Variants in MTPN observed in about 807,000 individuals in gnomAD.
MTPN encodes myotrophin, also known as granule cell differentiation protein.
Under a neutral mutation model 13.5 loss-of-function variants are expected in MTPN, and 2 were observed. The ratio of observed to expected loss-of-function variants is 0.15; its 90% CI spans 0.06 to 0.47. MTPN has a LOEUF of 0.47. MTPN is among the 20% of genes least tolerant of loss of function. MTPN has a pLI of 0.97. For synonymous variants in MTPN, 46 were observed against 51.7 expected, an observed-to-expected ratio of 0.89 and a Z score of 0.48; for missense variants, 79 against 137.9, an observed-to-expected ratio of 0.57 and a Z score of 2.14.
At chr7:135,968,351 C>T (rs1019216277) in intron 1 of MTPN, among the ~76,000 whole-genome samples, 1 of 152,018 alleles carries the variant, frequency 6.6e-6, no homozygotes, top group Non-Finnish European at 1.5e-5. Context: ...CTTTGCCCTT[C>T]ACTTTCTTGG....
At chr7:135,931,880 G>C (rs927466213) in intron 3 of MTPN, among the ~76,000 whole-genome samples, 2 of 152,092 alleles carry the variant, frequency 1.3e-5, no homozygotes, top group Non-Finnish European at 2.9e-5. Flanking sequence ...GATGGGGTAT[G>C]TGATGTTTTG....
intron 1 of MTPN, among the ~76,000 whole-genome samples, chr7:135,966,521 G>GT (rs1799608769): frequency 6.6e-6 from 1 of 151,868 alleles, no homozygotes; most frequent in East Asian, 1.9e-4. Context: ...TACCGAATGT[G>GT]TATCACTTTT....
chr7:135,944,116 G>T (rs933796208), intron 3 of MTPN, among the ~76,000 whole-genome samples: 3 of 152,048 alleles, frequency 2.0e-5, no homozygotes, highest in African/African-American at 7.2e-5. Context: ...CAGCATAAAT[G>T]ACTGAAAGCT....
At chr7:135,968,829 T>G (rs555634383) in intron 1 of MTPN, among the ~76,000 whole-genome samples, 6 of 150,974 alleles carry the variant, frequency 4.0e-5, no homozygotes, top group African/African-American at 1.2e-4. Context: ...GGAAAAAAAA[T>G]TTTAAGGAAT....
chr7:135,950,842 C>A (rs193145395), intron 2 of MTPN, among the ~76,000 whole-genome samples, 160 bp from the exon 3 acceptor site: 7 of 152,200 alleles, frequency 4.6e-5, no homozygotes, highest in African/African-American at 1.7e-4. Context: ...TTAAAGCTAC[C>A]AGAGACCCAA....
chr7:135,936,870 T>C (rs1280068560), intron 3 of MTPN, among the ~76,000 whole-genome samples: 1 of 152,230 alleles, frequency 6.6e-6, no homozygotes, highest in Non-Finnish European at 1.5e-5. Context: ...GCAAGTAATT[T>C]ATTGATCTTC....
At chr7:135,935,235 ATTTC>A (rs141239964) in intron 3 of MTPN, among the ~76,000 whole-genome samples, 4 of 149,816 alleles carry the variant, frequency 2.7e-5, no homozygotes, top group African/African-American at 7.4e-5. Flanking sequence ...GGATGCAATG[ATTTC>A]TTTCTTTTTT....
At chr7:135,935,908 C>T (rs563445653) in intron 3 of MTPN, among the ~76,000 whole-genome samples, 2 of 152,162 alleles carry the variant, frequency 1.3e-5, no homozygotes, top group Middle Eastern at 3.4e-3. Context: ...GTGTCAACTG[C>T]TTTATGAAAT....
intron 1 of MTPN, chr7:135,960,823 A>T (rs541765096): frequency 2.5e-4 from 36 of 143,328 alleles, no homozygotes; most frequent in African/African-American, 9.1e-4. Flanking sequence ...GTTTTTAATT[A>T]AAAAAAAAAG....
intron 1 of MTPN, among the ~76,000 whole-genome samples, chr7:135,959,787 G>A (rs895127427): frequency 6.6e-6 from 1 of 150,498 alleles, no homozygotes; most frequent in Non-Finnish European, 1.5e-5. Context: ...TTTCTAGTTT[G>A]TCAGTATTAT....
At chr7:135,962,309 AAATG>A (rs1467345836) in intron 1 of MTPN, among the ~76,000 whole-genome samples, 2 of 151,990 alleles carry the variant, frequency 1.3e-5, no homozygotes, top group Non-Finnish European at 2.9e-5. Flanking sequence ...TAAGAAAAAA[AAATG>A]AATGAATGAA....
intron 3 of MTPN, among the ~76,000 whole-genome samples, chr7:135,937,503 T>C (rs1300745610): frequency 6.6e-6 from 1 of 152,160 alleles, no homozygotes; most frequent in East Asian, 1.9e-4. Flanking sequence ...CCCTCTTGGA[T>C]ACCCAAATCC....
At chr7:135,949,194 C>T (rs1181961719) in intron 3 of MTPN, among the ~76,000 whole-genome samples, 1 of 152,102 alleles carries the variant, frequency 6.6e-6, no homozygotes, top group Admixed American at 6.5e-5. Context: ...AGACAGAGTC[C>T]TAACTAATAC....
intron 1 of MTPN, among the ~76,000 whole-genome samples, chr7:135,966,398 G>A (rs76037103): frequency 0.013 from 1,958 of 152,064 alleles, 22 homozygotes; most frequent in African/African-American, 0.025. Flanking sequence ...TGGGAGCTGC[G>A]ACTCCCTGCA....
At position 135,927,277 on chromosome 7, in the gene MTPN, G is replaced by C. The variant is rs1354078778; in HGVS notation, c.*2649C>G. On this transcript the variant is annotated 3_prime_UTR_variant, in exon 4 of 4. Coordinates refer to ENST00000393085, the MANE Select transcript of MTPN (RefSeq NM_145808.4). The stretch of plus-strand genomic sequence containing the variant: ...TCTCTTCCATGCTTAACTGGGTTTA[G>C]AAAGGTGAGCTATGCGTAGAAGAAC... 5 of 1,544,130 alleles carry C rather than the reference G, an allele frequency of 3.2e-6. No homozygotes were observed. The highest frequency in any genetic ancestry group is 4.4e-6 in the Non-Finnish European group (5 of 1,143,580).
intron 1 of MTPN, 147 bp from the exon 2 acceptor site, chr7:135,951,777 TTGAAA>T (rs1454808815): frequency 5.5e-6 from 3 of 545,126 alleles, no homozygotes; most frequent in Non-Finnish European, 9.7e-6. Context: ...AACCAAAAAC[TTGAAA>T]TGAAATTCTG....
At chr7:135,934,864 C>T (rs10241986) in intron 3 of MTPN, among the ~76,000 whole-genome samples, 3,012 of 152,230 alleles carry the variant, frequency 0.02, 99 homozygotes, top group African/African-American at 0.07. Context: ...GTCCTTTATA[C>T]AGGATTCAGG....
At chr7:135,968,550 C>T (rs1562936928) in intron 1 of MTPN, among the ~76,000 whole-genome samples, 1 of 151,868 alleles carries the variant, frequency 6.6e-6, no homozygotes, top group African/African-American at 2.4e-5. Flanking sequence ...GATGTAATAC[C>T]ATAAACTAAC....
chr7:135,974,055 C>T (rs1799736674), intron 1 of MTPN, among the ~76,000 whole-genome samples: 1 of 152,094 alleles, frequency 6.6e-6, no homozygotes, highest in African/African-American at 2.4e-5. Context: ...AAATTTTTCT[C>T]TCAATACTGT....
Sources: gnomAD v4.1 joint callset for allele counts (sites outside exome capture counted in the v4.1 genomes callset) on GRCh38, gnomAD v4.1.1 for gene constraint, MANE v1.5 for transcripts, NCBI Gene and HGNC (gene_info 2026-07-23, HGNC 2026-07-21) for gene names.